Variants in SEPTIN11 observed in about 807,000 individuals in gnomAD.
The protein encoded by SEPTIN11 is septin-11.
Under a neutral mutation model 51.4 loss-of-function variants are expected in SEPTIN11, and 25 were observed. The ratio of observed to expected loss-of-function variants is 0.49; its 90% confidence interval spans 0.35 to 0.68. The LOEUF is 0.68. SEPTIN11 is among the 30% of genes least tolerant of loss of function. SEPTIN11 has a pLI of 0.00. For missense variants in SEPTIN11, 381 were observed against 520.8 expected (o/e 0.73, Z 2.61); for synonymous variants, 174 against 184.1 (o/e 0.95, Z 0.44).
At position 77,036,503 on chromosome 4, in the gene SEPTIN11, A is replaced by G; in HGVS notation, c.*1991A>G. On this transcript the variant is annotated 3_prime_UTR_variant, in exon 10 of 10. Transcript: ENST00000264893. Reference sequence around the variant, plus strand: ...TCTCTTGCATCACTAAAATTTTTTTAAAATGAGCATAACAACGAAAGGCAT... The same window carrying G: ...TCTCTTGCATCACTAAAATTTTTTTGAAATGAGCATAACAACGAAAGGCAT... 7.5e-7 allele frequency: 1 copy of G among 1,329,196 alleles called. No homozygotes were observed. 82.3% of individuals were successfully genotyped at this position (1,329,196 alleles called of 1,614,324 possible).
intron 1 of SEPTIN11, among the ~76,000 whole-genome samples, chr4:76,993,813 T>G (rs186603887): frequency 2.0e-5 from 3 of 152,352 alleles, no homozygotes; most frequent in African/African-American, 7.2e-5. Flanking sequence ...ATTTCAAAAA[T>G]GTCAAGACCA....
chr4:76,964,153 A>G (rs902545146), intron 1 of SEPTIN11, among the ~76,000 whole-genome samples: 1 of 152,210 alleles, frequency 6.6e-6, no homozygotes, highest in African/African-American at 2.4e-5. Flanking sequence ...TTATGGCTGC[A>G]TAGTATTCCA....
At position 77,034,481 on chromosome 4, in the gene SEPTIN11, GT is replaced by G; in HGVS notation, c.1275-10del. 1 of 1,525,578 alleles carries G rather than the reference GT, an allele frequency of 6.6e-7. No individual in the cohort carries two copies. The highest frequency in any genetic ancestry group is 8.8e-7 in the Non-Finnish European group (1 of 1,141,862). 94.5% of individuals were successfully genotyped at this position (1,525,578 alleles called of 1,614,324 possible). A position where few individuals can be genotyped will look rare whatever the true frequency, so the allele number is the denominator to read the frequency against. ...TTATTATTTCTAACTTTTTTGTTTT[GT>G]TTTTTAACTTGCAGTGCAAGCTTCA... On this transcript the variant is annotated splice_polypyrimidine_tract_variant and intron_variant, in intron 9 of 9. Transcript: ENST00000264893.
chr4:77,006,635 G>A (rs1724495241), intron 3 of SEPTIN11, among the ~76,000 whole-genome samples: 1 of 152,184 alleles, frequency 6.6e-6, no homozygotes, highest in South Asian at 2.1e-4. Flanking sequence ...GGGCATAAGT[G>A]TCTACCTGCT....
intron 3 of SEPTIN11, among the ~76,000 whole-genome samples, chr4:77,009,520 C>T (rs934954049): frequency 9.2e-5 from 14 of 152,082 alleles, no homozygotes; most frequent in Non-Finnish European, 5.9e-5. Context: ...AATGATTGGC[C>T]AGGACTCTCT....
chr4:76,961,059 A>G (rs1483192545), intron 1 of SEPTIN11, among the ~76,000 whole-genome samples: 1 of 152,190 alleles, frequency 6.6e-6, no homozygotes, highest in African/African-American at 2.4e-5. Flanking sequence ...GAAAAGGCTA[A>G]GACTCAGATA....
chr4:76,951,870 T>C (rs2109872996), intron 1 of SEPTIN11, among the ~76,000 whole-genome samples: 1 of 152,348 alleles, frequency 6.6e-6, no homozygotes, highest in South Asian at 2.1e-4. Flanking sequence ...ATTCTTATGT[T>C]AGACCTCCCT....
At chr4:76,969,685 T>C (rs1298859218) in intron 1 of SEPTIN11, among the ~76,000 whole-genome samples, 1 of 152,258 alleles carries the variant, frequency 6.6e-6, no homozygotes, top group East Asian at 1.9e-4. Context: ...TCATAAAGAT[T>C]AGAGTGTATC....
chr4:77,034,529 G>A lies in SEPTIN11; in HGVS notation c.*17G>A. On this transcript the variant is annotated 3_prime_UTR_variant, in exon 10 of 10. Coordinates refer to ENST00000264893, the MANE Select transcript of SEPTIN11 (RefSeq NM_018243.4). ...TTCACATAAAGCCTGGCAAGCCAAG[G>A]ATGTTCCCGCATTCACCTGCTTTTG... The A allele has an allele frequency of 1.9e-6, 3 of 1,563,006 alleles. No individual in the cohort carries two copies. Among genetic ancestry groups the A allele is most frequent in the Non-Finnish European group, 2.6e-6 (3 of 1,158,746 alleles).
chr4:77,022,018 T>A (rs4859731), intron 7 of SEPTIN11, among the ~76,000 whole-genome samples: 5 of 152,220 alleles, frequency 3.3e-5, no homozygotes, highest in Non-Finnish European at 7.4e-5. Context: ...GTGAAAGTCA[T>A]GTTCTGAGGC....
intron 1 of SEPTIN11, among the ~76,000 whole-genome samples, chr4:76,978,123 A>G (rs1161754948): frequency 6.6e-6 from 1 of 152,114 alleles, no homozygotes; most frequent in Non-Finnish European, 1.5e-5. Context: ...AGTAAGAGTG[A>G]TTGCTGTAGG....
At chr4:76,997,422 C>G (rs1723799258) in intron 2 of SEPTIN11, among the ~76,000 whole-genome samples, 1 of 152,194 alleles carries the variant, frequency 6.6e-6, no homozygotes, top group South Asian at 2.1e-4. Flanking sequence ...GTGAGAACCA[C>G]CATTTGCTTA....
intron 1 of SEPTIN11, among the ~76,000 whole-genome samples, chr4:76,977,751 T>G (rs1460229786): frequency 3.3e-5 from 5 of 151,774 alleles, no homozygotes; most frequent in Non-Finnish European, 7.4e-5. Context: ...TTAGGATGAT[T>G]AAGTTGATAA....
chr4:76,985,161 G>C (rs561242795), intron 1 of SEPTIN11: 2 of 152,344 alleles, frequency 1.3e-5, no homozygotes, highest in African/African-American at 4.8e-5. Context: ...ACAGGCATTA[G>C]TCACTTGTGC....
At chr4:77,006,510 A>G (rs1181165562) in intron 3 of SEPTIN11, among the ~76,000 whole-genome samples, 3 of 152,182 alleles carry the variant, frequency 2.0e-5, no homozygotes, top group Non-Finnish European at 2.9e-5. Flanking sequence ...ACTATTTTAC[A>G]TAGTACATTC....
chr4:76,971,825 T>A (rs1722259758), intron 1 of SEPTIN11, among the ~76,000 whole-genome samples: 1 of 152,244 alleles, frequency 6.6e-6, no homozygotes, highest in African/African-American at 2.4e-5. Context: ...ACACTGTTCA[T>A]CTTTAAAGAA....
Position 77,036,636 on chromosome 4 carries a change from GAAAC to G in SEPTIN11, c.*2128_*2131del. 2 of 1,477,946 alleles carry G rather than the reference GAAAC, an allele frequency of 1.4e-6. No homozygotes were observed. The highest frequency in any genetic ancestry group is 1.8e-6 in the Non-Finnish European group (2 of 1,126,860). The allele number at this position is 1,477,946 out of a possible 1,614,324, so 91.6% of individuals were successfully genotyped here. A position where few individuals can be genotyped will look rare whatever the true frequency, so the allele number is the denominator to read the frequency against. On this transcript the variant is annotated 3_prime_UTR_variant, in exon 10 of 10. Transcript: ENST00000264893. Reference sequence around the variant, plus strand: ...CGAGTCAGGGAATAAAAAGTCAAAAGAAACAAATAGAAGCTTTTTTTTTTAAAAA... The same window carrying G: ...CGAGTCAGGGAATAAAAAGTCAAAAGAAATAGAAGCTTTTTTTTTTAAAAA...
Position 77,035,082 on chromosome 4 carries a change from T to A in SEPTIN11, c.*570T>A. ...GACATTTTCATTTTAATCAATAACA[T>A]TATTTGGCCTGAGCTTGTGGGTCTG... On this transcript the variant is annotated 3_prime_UTR_variant, in exon 10 of 10. Coordinates refer to ENST00000264893, the MANE Select transcript of SEPTIN11 (RefSeq NM_018243.4). The A allele has an allele frequency of 1.1e-5, 11 of 985,466 alleles. No homozygotes were observed. Among genetic ancestry groups the A allele is most frequent in the Non-Finnish European group, 1.3e-5 (11 of 829,980 alleles). 61.0% of individuals were successfully genotyped at this position (985,466 alleles called of 1,614,324 possible).
intron 1 of SEPTIN11, among the ~76,000 whole-genome samples, chr4:76,951,231 G>A (rs9307223): frequency 0.011 from 1,614 of 152,290 alleles, 31 homozygotes; most frequent in African/African-American, 0.036. Context: ...TCCCTTTGCG[G>A]ATTCTAATTC....
Sources: allele counts gnomAD v4.1 joint callset (sites outside exome capture counted in the v4.1 genomes callset), GRCh38; gene constraint gnomAD v4.1.1; transcripts MANE v1.5; gene names NCBI Gene and HGNC (gene_info 2026-07-23, HGNC 2026-07-21).